Variants in PRSS23 observed in about 807,000 individuals in gnomAD.
PRSS23 encodes the protein serine protease 23, also known as protease, serine 23.
A neutral mutation model predicts 34.7 loss-of-function variants in PRSS23; 25 were observed. That is an observed-to-expected ratio of 0.72 (90% confidence interval 0.53 to 1.01). PRSS23 has a LOEUF of 1.01. Among genes scored for constraint, PRSS23 ranks in the 50% least tolerant of loss-of-function variants. The pLI, the probability that PRSS23 is intolerant of heterozygous loss-of-function variation, is 0.00. For synonymous variants in PRSS23, 176 were observed against 186.6 expected (o/e 0.94, Z 0.46); for missense variants, 445 against 475.6 (o/e 0.94, Z 0.60).
intron 2 of PRSS23, among the ~76,000 whole-genome samples, chr11:86,891,452 G>T (rs1414914919): frequency 6.6e-6 from 1 of 152,092 alleles, no homozygotes; most frequent in Non-Finnish European, 1.5e-5. Flanking sequence ...TCCAACTCCT[G>T]TGCCTGTTGA....
downstream of PRSS23, among the ~76,000 whole-genome samples, chr11:86,812,723 G>C (rs115604564): frequency 0.011 from 1,540 of 146,254 alleles, 32 homozygotes; most frequent in African/African-American, 0.037. Context: ...AGGAGTCGGA[G>C]ATTGCAATGA....
At chr11:86,906,373 G>A (rs896223464) in intron 2 of PRSS23, among the ~76,000 whole-genome samples, 12 of 97,046 alleles carry the variant, frequency 1.2e-4, no homozygotes, top group African/African-American at 3.7e-4. Flanking sequence ...TCTTCGCCCA[G>A]GATCCCCCTG....
intron 2 of PRSS23, chr11:86,934,458 T>G (rs1376229949): frequency 6.6e-6 from 1 of 152,194 alleles, no homozygotes; most frequent in Non-Finnish European, 1.5e-5. Flanking sequence ...ACTCCTCCCC[T>G]TCTCTTCTTT....
chr11:86,804,711 C>T (rs369604685), intron 1 of PRSS23, among the ~76,000 whole-genome samples: 4 of 152,150 alleles, frequency 2.6e-5, no homozygotes, highest in African/African-American at 9.7e-5. Flanking sequence ...CATTCTCTAA[C>T]AGGATTCTGT....
In PRSS23 at chr11:86,791,196, G is replaced by A. The variant is rs1200236676; in HGVS notation, c.-14+1G>A. On this transcript the variant is annotated splice_donor_variant, in intron 1 of 1. Transcript: ENST00000527521. LOFTEE classifies it low-confidence loss of function (5UTR_SPLICE). Reference sequence around the variant, plus strand: ...TCTGACACAGATTTGCCTTCATCTGGTAAGTCCCACCTCACTCCCCCAGTT... The same window carrying A: ...TCTGACACAGATTTGCCTTCATCTGATAAGTCCCACCTCACTCCCCCAGTT... The A allele has an allele frequency of 2.0e-5, 3 of 152,280 alleles. No individual in the cohort carries two copies. The highest frequency in any genetic ancestry group is 2.0e-4 in the Admixed American group (3 of 15,280). 9.4% of individuals were successfully genotyped at this position (152,280 alleles called of 1,614,324 possible). A position where few individuals can be genotyped will look rare whatever the true frequency, so the allele number is the denominator to read the frequency against.
intron 2 of PRSS23, among the ~76,000 whole-genome samples, chr11:86,901,612 A>G (rs1948912580): frequency 1.3e-5 from 2 of 152,274 alleles, no homozygotes; most frequent in South Asian, 4.1e-4. Flanking sequence ...CAAAACCAGA[A>G]AGCCTCTAAT....
intron 2 of PRSS23, among the ~76,000 whole-genome samples, chr11:86,834,808 TCTC>T (rs1004375650): frequency 5.9e-5 from 9 of 152,138 alleles, no homozygotes; most frequent in African/African-American, 2.2e-4. Context: ...CCTTTTTCCT[TCTC>T]CTAATTCTAG....
intron 2 of PRSS23, among the ~76,000 whole-genome samples, chr11:86,901,663 C>A (rs1390926141): frequency 6.6e-6 from 1 of 152,136 alleles, no homozygotes; most frequent in Non-Finnish European, 1.5e-5. Context: ...CATATATAGT[C>A]ATACAGTCAT....
chr11:86,906,368 G>A (rs557646478), intron 2 of PRSS23, among the ~76,000 whole-genome samples: 2 of 99,700 alleles, frequency 2.0e-5, no homozygotes, highest in African/African-American at 6.1e-5. Context: ...TCAGCTCTTC[G>A]CCCAGGATCC....
chr11:86,868,556 G>T, intron 2 of PRSS23, among the ~76,000 whole-genome samples: 1 of 152,140 alleles, frequency 6.6e-6, no homozygotes, highest in Non-Finnish European at 1.5e-5. Context: ...ACATTGCAAA[G>T]ACTCCTTCCC....
At chr11:86,901,027 C>T (rs1262076132) in intron 2 of PRSS23, among the ~76,000 whole-genome samples, 9 of 151,872 alleles carry the variant, frequency 5.9e-5, no homozygotes, top group African/African-American at 9.7e-5. Context: ...TCAGGTGGTC[C>T]GCCCACCTCA....
chr11:86,860,639 T>A (rs534503107), intron 2 of PRSS23, among the ~76,000 whole-genome samples: 1 of 152,098 alleles, frequency 6.6e-6, no homozygotes, highest in South Asian at 2.1e-4. Flanking sequence ...GTGGATGATA[T>A]TACTCCCAAT....
chr11:86,808,624 A>T lies in PRSS23; in HGVS notation c.981A>T (p.Arg327Ser). The change falls in exon 2 of 2, where the codon AGA becomes AGT. Residue 327 changes from arginine to serine, a missense_variant. Arg to Ser is a moderately radical substitution (Grantham distance 110). Coordinates refer to ENST00000280258, the MANE Select transcript of PRSS23 (RefSeq NM_007173.6). ...GGGTCTATGTGAGGATGTGGAAGAG[A>T]CAGCAGCAGAAGTGGGAGCGAAAAA... Reference protein sequence around the residue: ...GSGVYVRMWKRQQQKWERKII... With the variant: ...GSGVYVRMWKSQQQKWERKII... The T allele has an allele frequency of 1.9e-6, 3 of 1,614,190 alleles. No homozygotes were observed. In the African/African-American group the frequency reaches 4.0e-5, roughly 22 times the overall value.
intron 2 of PRSS23, among the ~76,000 whole-genome samples, chr11:86,831,761 T>A (rs537927671): frequency 6.6e-6 from 1 of 152,078 alleles, no homozygotes; most frequent in East Asian, 1.9e-4. Context: ...TTGTACACCT[T>A]GTGATATTAT....
chr11:86,890,133 T>G (rs1403279214), intron 2 of PRSS23, among the ~76,000 whole-genome samples: 1 of 152,092 alleles, frequency 6.6e-6, no homozygotes, highest in Non-Finnish European at 1.5e-5. Context: ...TAGCCAGGTG[T>G]GGTGGTGCAC....
chr11:86,828,264 CTT>C (rs1052432470), intron 2 of PRSS23, among the ~76,000 whole-genome samples: 2 of 152,132 alleles, frequency 1.3e-5, no homozygotes, highest in Non-Finnish European at 2.9e-5. Context: ...TTCTTTGTCT[CTT>C]TTGATTTTTG....
At chr11:86,874,449 G>A (rs1221813060) in intron 2 of PRSS23, among the ~76,000 whole-genome samples, 1 of 152,220 alleles carries the variant, frequency 6.6e-6, no homozygotes, top group Non-Finnish European at 1.5e-5. Context: ...GCTTGTGGGA[G>A]CACTTGTATT....
intron 2 of PRSS23, among the ~76,000 whole-genome samples, chr11:86,827,135 C>T (rs535546253): frequency 2.8e-4 from 43 of 152,190 alleles, no homozygotes; most frequent in Middle Eastern, 3.4e-3. Flanking sequence ...GACTCATTTT[C>T]GTTGGTAAGC....
intron 2 of PRSS23, among the ~76,000 whole-genome samples, chr11:86,874,319 A>T (rs1384085667): frequency 6.6e-6 from 1 of 152,214 alleles, no homozygotes; most frequent in African/African-American, 2.4e-5. Context: ...TACATATAGG[A>T]CACGCAGTTA....
Sources: allele counts gnomAD v4.1 joint callset (sites outside exome capture counted in the v4.1 genomes callset), GRCh38; gene constraint gnomAD v4.1.1; transcripts MANE v1.5; gene names NCBI Gene and HGNC (gene_info 2026-07-23, HGNC 2026-07-21).